Variants in CHD9 observed in about 807,000 individuals in gnomAD.
CHD9 encodes ATP-dependent chromatin remodeler CHD9.
CHD9 carries 77 observed loss-of-function variants against 316.1 expected under a neutral mutation model. That is an observed-to-expected ratio of 0.24 (90% CI 0.20 to 0.29). The LOEUF (loss-of-function observed/expected upper bound fraction) is 0.29. Ranked by LOEUF, CHD9 falls within the 10% of genes least tolerant of loss-of-function variation. The pLI, the probability that CHD9 is intolerant of heterozygous loss-of-function variation, is 1.00. For synonymous variants in CHD9, 1,129 were observed against 1,158.3 expected (o/e 0.97, Z 0.51); for missense variants, 2,763 against 3,438.1 (o/e 0.80, Z 4.91).
chr16:53,321,316 A>G, intron 37 of CHD9: 1 of 1,355,252 alleles, frequency 7.4e-7, no homozygotes, highest in Non-Finnish European at 9.5e-7. Flanking sequence ...TACTTAAAAC[A>G]TTTAAAATTT....
At chr16:53,131,909 C>T (rs2039349844) in intron 1 of CHD9, among the ~76,000 whole-genome samples, 1 of 152,172 alleles carries the variant, frequency 6.6e-6, no homozygotes, top group African/African-American at 2.4e-5. Flanking sequence ...CCGCCAGCCC[C>T]CGTGTGTGCG....
intron 12 of CHD9, among the ~76,000 whole-genome samples, chr16:53,241,070 C>T (rs967629840): frequency 3.9e-5 from 6 of 152,106 alleles, no homozygotes; most frequent in African/African-American, 1.4e-4. Context: ...TAATAATATT[C>T]TACTGCAGCT....
At chr16:53,285,418 A>G (rs965733642) in intron 24 of CHD9, among the ~76,000 whole-genome samples, 178 bp from the exon 25 acceptor site, 1 of 152,142 alleles carries the variant, frequency 6.6e-6, no homozygotes, top group East Asian at 1.9e-4. Context: ...ATTTTATGGT[A>G]TCTTTGTTAT....
At chr16:53,289,528 G>C (rs34841283) in intron 27 of CHD9, among the ~76,000 whole-genome samples, 1 of 152,140 alleles carries the variant, frequency 6.6e-6, no homozygotes, top group Non-Finnish European at 1.5e-5. Flanking sequence ...AAACAGATGT[G>C]AGGAAATTAT....
chr16:53,185,505 T>G (rs1358865907), intron 2 of CHD9, among the ~76,000 whole-genome samples: 1 of 152,050 alleles, frequency 6.6e-6, no homozygotes, highest in Non-Finnish European at 1.5e-5. Flanking sequence ...AGCCTGATGA[T>G]GTGATGAAAA....
intron 1 of CHD9, among the ~76,000 whole-genome samples, chr16:53,063,206 C>A (rs1038008219): frequency 6.6e-6 from 1 of 151,932 alleles, no homozygotes; most frequent in African/African-American, 2.4e-5. Context: ...GACTCTTTGC[C>A]CCATGTTACT....
rs1191936519 is a variant in CHD9, at chr16:53,057,482, G to A, written c.-165+2405G>A. Among the ~76,000 whole-genome samples, 9 of 151,874 alleles carry A rather than the reference G, an allele frequency of 5.9e-5. No individual in the cohort carries two copies. The East Asian group carries it at 7.7e-4, about 13-fold the overall frequency. ...AGCCTGGCCAACATGGCAAAACCCC[G>A]TCTCTACTAAAAATTCAAAAAATTA... On this transcript the variant is annotated intron_variant, in intron 1 of 38. Transcript: ENST00000447540.
Position 53,062,500 on chromosome 16 carries a change from G to C in CHD9, c.-165+7423G>C, listed in dbSNP as rs1265316732. Among the ~76,000 whole-genome samples, 6 of 152,262 alleles carry C rather than the reference G, an allele frequency of 3.9e-5. No individual in the cohort carries two copies. The East Asian group carries it at 1.2e-3, about 29-fold the overall frequency. On this transcript the variant is annotated intron_variant, in intron 1 of 38. Coordinates refer to ENST00000447540, the MANE Select transcript of CHD9 (RefSeq NM_001308319.2). ...CTCATGCCTGTAATCCTAATACTTT[G>C]GGAGGTACACGCAGGGAGGTCACTT...
chr16:53,273,175 A>T (rs1004348265), intron 22 of CHD9, among the ~76,000 whole-genome samples: 1 of 152,208 alleles, frequency 6.6e-6, no homozygotes, highest in African/African-American at 2.4e-5. Flanking sequence ...TGTAGTTTTT[A>T]AATATTTCAC....
intron 1 of CHD9, among the ~76,000 whole-genome samples, chr16:53,057,907 T>C (rs1596827989): frequency 6.6e-6 from 1 of 152,128 alleles, no homozygotes; most frequent in East Asian, 1.9e-4. Flanking sequence ...TGTTTTTGTT[T>C]GTGATGTCGC....
intron 37 of CHD9, among the ~76,000 whole-genome samples, chr16:53,319,005 A>G (rs1205137631): frequency 6.6e-6 from 1 of 152,232 alleles, no homozygotes; most frequent in African/African-American, 2.4e-5. Flanking sequence ...TTTGTGGCTT[A>G]TCTTCTTTTA....
At chr16:53,211,236 T>A (rs368289208) in intron 3 of CHD9, among the ~76,000 whole-genome samples, 8 of 152,116 alleles carry the variant, frequency 5.3e-5, no homozygotes, top group African/African-American at 1.7e-4. Context: ...AAGGAACAGC[T>A]AAAGGCAAAA....
intron 2 of CHD9, chr16:53,208,160 G>A (rs2046031512): frequency 1.8e-6 from 2 of 1,085,166 alleles, no homozygotes; most frequent in South Asian, 2.3e-5. Context: ...AGGCAGAAAT[G>A]TGTTGATAAA....
At chr16:53,260,129 CTAATGATAGCTGTGT>C (rs1175708477) in intron 19 of CHD9, among the ~76,000 whole-genome samples, 2 of 152,182 alleles carry the variant, frequency 1.3e-5, no homozygotes, top group African/African-American at 4.8e-5. Context: ...TTTTATACAG[CTAATGATAGCTGTGT>C]TGTTTTGTTT....
intron 17 of CHD9, among the ~76,000 whole-genome samples, chr16:53,254,049 T>G (rs907311005): frequency 2.6e-5 from 4 of 151,974 alleles, no homozygotes; most frequent in African/African-American, 7.2e-5. Context: ...TGGTGGCAGG[T>G]GCTTGTAATC....
At chr16:53,114,394 A>T (rs535816449) in intron 1 of CHD9, among the ~76,000 whole-genome samples, 3 of 151,794 alleles carry the variant, frequency 2.0e-5, no homozygotes, top group Non-Finnish European at 4.4e-5. Flanking sequence ...AGTGGCTGGG[A>T]TTACAGGCCC....
chr16:53,148,543 G>T lies in CHD9; in HGVS notation c.-164-7383G>T, dbSNP rs552981455. 9.9e-5 allele frequency among the ~76,000 whole-genome samples: 15 copies of T among 152,280 alleles called. No individual in the cohort carries two copies. In the South Asian group the frequency reaches 3.1e-3, roughly 32 times the overall value. ...TTGTTTATTTTTTATACCATTCCTG[G>T]TAGGTGTGAAGTGATATCTCATTGT... On this transcript the variant is annotated intron_variant, in intron 1 of 38. Transcript: ENST00000447540.
chr16:53,310,849 C>G (rs896228937), intron 34 of CHD9: 1 of 124,954 alleles, frequency 8.0e-6, no homozygotes, highest in African/African-American at 3.4e-5. Context: ...GAAACCCTGT[C>G]TCAAAAACAA....
In CHD9 at chr16:53,303,746, C is replaced by T; in HGVS notation, c.5740C>T (p.Gln1914Ter). The stretch of plus-strand genomic sequence containing the variant: ...ATTGGTGGATCCAAATATTTTTATC[C>T]AGCCCATCACAGAAGAACGTGCTTC... The part of the protein sequence containing the change: ...EELVDPNIFI[Q>*]PITEERASRT... Residue 1914 changes from glutamine to a stop codon, truncating the protein, a stop_gained, in exon 31 of 39, where the codon CAG (glutamine) becomes TAG (stop). Coordinates refer to ENST00000447540, the MANE Select transcript of CHD9 (RefSeq NM_001308319.2). LOFTEE classifies it high-confidence loss of function. The T allele has an allele frequency of 1.3e-6, 2 of 1,598,944 alleles. No individual in the cohort carries two copies. The highest frequency in any genetic ancestry group is 1.7e-6 in the Non-Finnish European group (2 of 1,172,318).
Sources: gnomAD v4.1 joint callset for allele counts (sites outside exome capture counted in the v4.1 genomes callset) on GRCh38, gnomAD v4.1.1 for gene constraint, MANE v1.5 for transcripts, NCBI Gene and HGNC (gene_info 2026-07-23, HGNC 2026-07-21) for gene names.